HYAL4: variants seen among roughly 807,000 people sequenced by gnomAD.
HYAL4 encodes hyaluronidase-4.
A neutral mutation model predicts 35.2 loss-of-function variants in HYAL4; 37 were observed. The ratio of observed to expected loss-of-function variants is 1.05; its 90% CI spans 0.81 to 1.38. HYAL4 has a LOEUF of 1.38. HYAL4 is among the 40% of genes most tolerant of loss of function. The probability of loss-of-function intolerance (pLI) is 0.00; values close to 1 mark genes in which losing one functional copy is unlikely to be tolerated. For missense variants in HYAL4, 572 were observed against 572.4 expected (o/e 1.00, Z 0.01); for synonymous variants, 198 against 203.2 (o/e 0.97, Z 0.22).
chr7:123,774,134 C>G, the HYAL4 span, among the ~76,000 whole-genome samples: 1 of 152,152 alleles, frequency 6.6e-6, no homozygotes, highest in African/African-American at 2.4e-5. Context: ...CTCCTGGGTT[C>G]AAGTGATCCT....
At chr7:123,778,155 GTCTGTCTATCTATCTATCTATCTA>G in the HYAL4 span, among the ~76,000 whole-genome samples, 1 of 132,666 alleles carries the variant, frequency 7.5e-6, no homozygotes, top group African/African-American at 3.1e-5. Context: ...CTATCTGTCT[GTCTGTCTATCTATCTATCTATCTA>G]TCTATCTATC....
At chr7:123,855,042 AC>A (rs1249913488) in intron 2 of HYAL4, among the ~76,000 whole-genome samples, 1 of 151,850 alleles carries the variant, frequency 6.6e-6, no homozygotes, top group African/African-American at 2.4e-5. Context: ...TAGGAATGCA[AC>A]CCCTGCCTTT....
intron 1 of HYAL4, among the ~76,000 whole-genome samples, chr7:123,830,375 C>A (rs149769333): frequency 2.4e-4 from 37 of 152,112 alleles, no homozygotes; most frequent in African/African-American, 8.2e-4. Context: ...TTATAAATAC[C>A]ACAAATCACT....
chr7:123,833,350 CAT>C (rs1259770710), intron 1 of HYAL4, among the ~76,000 whole-genome samples: 1 of 152,108 alleles, frequency 6.6e-6, no homozygotes, highest in Non-Finnish European at 1.5e-5. Flanking sequence ...AACATTTTTT[CAT>C]ATGTTTGATG....
chr7:123,816,799 A>C, the HYAL4 span, among the ~76,000 whole-genome samples: 1 of 152,322 alleles, frequency 6.6e-6, no homozygotes, highest in African/African-American at 2.4e-5. Context: ...ATATCAAAAA[A>C]CAGTATGGGT....
chr7:123,769,426 T>C, the HYAL4 span, among the ~76,000 whole-genome samples: 1 of 152,130 alleles, frequency 6.6e-6, no homozygotes. Context: ...AAGTTAAATT[T>C]GGAGCAGACC....
chr7:123,776,051 A>G, the HYAL4 span, among the ~76,000 whole-genome samples: 2 of 152,224 alleles, frequency 1.3e-5, no homozygotes, highest in Non-Finnish European at 2.9e-5. Context: ...ATTAATTTAG[A>G]CAGTTTCAAT....
the HYAL4 span, among the ~76,000 whole-genome samples, chr7:123,789,502 G>GTATTTCC: frequency 6.6e-6 from 1 of 152,154 alleles, no homozygotes; most frequent in African/African-American, 2.4e-5. Flanking sequence ...ATGTGTCATT[G>GTATTTCC]TATTTCCTGC....
At chr7:123,768,074 A>G in the HYAL4 span, among the ~76,000 whole-genome samples, 1 of 152,220 alleles carries the variant, frequency 6.6e-6, no homozygotes, top group East Asian at 1.9e-4. Flanking sequence ...CCCTACCACA[A>G]AGGTATGTGA....
upstream of HYAL4, among the ~76,000 whole-genome samples, chr7:123,842,540 C>G (rs904733481): frequency 6.6e-6 from 1 of 151,944 alleles, no homozygotes; most frequent in African/African-American, 2.4e-5. Context: ...GAGTTCAGGT[C>G]CTGGATATCC....
chr7:123,771,207 A>G, the HYAL4 span, among the ~76,000 whole-genome samples: 9 of 152,326 alleles, frequency 5.9e-5, no homozygotes, highest in African/African-American at 1.9e-4. Flanking sequence ...ACTGACAAAT[A>G]AATAAAGGCA....
chr7:123,771,276 T>G, the HYAL4 span, among the ~76,000 whole-genome samples: 1 of 152,240 alleles, frequency 6.6e-6, no homozygotes, highest in Admixed American at 6.5e-5. Flanking sequence ...AATTATTTCC[T>G]CACTATTCAC....
chr7:123,770,440 T>TAAAAAAAAAAAAAA, the HYAL4 span, among the ~76,000 whole-genome samples: 1 of 118,506 alleles, frequency 8.4e-6, no homozygotes, highest in East Asian at 2.5e-4. Flanking sequence ...AGACTCCATC[T>TAAAAAAAAAAAAAA]AAAAAAAAAA....
intron 1 of HYAL4, among the ~76,000 whole-genome samples, chr7:123,847,639 A>G (rs1454131123): frequency 3.3e-5 from 5 of 152,064 alleles, no homozygotes; most frequent in African/African-American, 9.7e-5. Context: ...TTAGCTGGGT[A>G]TGGTGGCATA....
chr7:123,875,099 CACTT>C (rs1216810279), intron 4 of HYAL4, among the ~76,000 whole-genome samples: 2 of 152,140 alleles, frequency 1.3e-5, no homozygotes, highest in African/African-American at 2.4e-5. Context: ...CGGATTTGCT[CACTT>C]ACTGGTCATA....
At chr7:123,856,764 G>T (rs1806446609) in intron 2 of HYAL4, among the ~76,000 whole-genome samples, 1 of 152,194 alleles carries the variant, frequency 6.6e-6, no homozygotes. Context: ...GAACATTTAA[G>T]TCTGCTGAAG....
chr7:123,769,984 T>C, the HYAL4 span, among the ~76,000 whole-genome samples: 2 of 152,044 alleles, frequency 1.3e-5, no homozygotes, highest in African/African-American at 4.8e-5. Flanking sequence ...AAGTAAAGTT[T>C]TTTTTTTTAA....
At chr7:123,833,423 ATTGT>A (rs555844200) in intron 1 of HYAL4, among the ~76,000 whole-genome samples, 173 of 151,444 alleles carry the variant, frequency 1.1e-3, no homozygotes, top group African/African-American at 4.0e-3. Flanking sequence ...TTTTGATGAG[ATTGT>A]TTGTTTTTTT....
At chr7:123,772,810 A>T in the HYAL4 span, among the ~76,000 whole-genome samples, 1 of 152,304 alleles carries the variant, frequency 6.6e-6, no homozygotes, top group East Asian at 1.9e-4. Context: ...GCCTCAAGTC[A>T]GAAGGAAGTG....
Sources: gnomAD v4.1 joint callset for allele counts (sites outside exome capture counted in the v4.1 genomes callset) on GRCh38, gnomAD v4.1.1 for gene constraint, MANE v1.5 for transcripts, NCBI Gene and HGNC (gene_info 2026-07-23, HGNC 2026-07-21) for gene names.